Variants in SLC24A3 observed in about 807,000 individuals in gnomAD.
The protein encoded by SLC24A3 is sodium/potassium/calcium exchanger 3.
SLC24A3 carries 28 observed loss-of-function variants against 75.8 expected under a neutral mutation model. The ratio of observed to expected loss-of-function variants is 0.37; its 90% CI spans 0.27 to 0.51. The LOEUF (loss-of-function observed/expected upper bound fraction) is 0.51. Among genes scored for constraint, SLC24A3 ranks in the 20% least tolerant of loss-of-function variants. SLC24A3 has a pLI of 0.94. For synonymous variants in SLC24A3, 372 were observed against 334.1 expected (o/e 1.11, Z -1.24); for missense variants, 663 against 847.8 (o/e 0.78, Z 2.71).
At chr20:19,639,002 G>A (rs1012325950) in intron 6 of SLC24A3, among the ~76,000 whole-genome samples, 1 of 152,096 alleles carries the variant, frequency 6.6e-6, no homozygotes, top group African/African-American at 2.4e-5. Context: ...CTGTGGAAGG[G>A]GACCCCAGTG....
At chr20:19,652,030 A>T (rs1249349216) in intron 6 of SLC24A3, among the ~76,000 whole-genome samples, 1 of 112,734 alleles carries the variant, frequency 8.9e-6, no homozygotes, top group Non-Finnish European at 1.9e-5. Context: ...GGCTGTATGA[A>T]GTAAGGAAGG....
At chr20:19,605,272 C>T (rs1195771861) in intron 6 of SLC24A3, among the ~76,000 whole-genome samples, 1 of 152,150 alleles carries the variant, frequency 6.6e-6, no homozygotes, top group African/African-American at 2.4e-5. Context: ...TTAACCACAG[C>T]TGTCTGATGT....
chr20:19,411,100 T>C (rs1175317418), intron 2 of SLC24A3, among the ~76,000 whole-genome samples: 2 of 152,218 alleles, frequency 1.3e-5, no homozygotes, highest in Non-Finnish European at 2.9e-5. Flanking sequence ...TGGGCACCGA[T>C]GGCCCATGGG....
At chr20:19,602,906 C>A (rs1364861000) in intron 6 of SLC24A3, among the ~76,000 whole-genome samples, 1 of 152,204 alleles carries the variant, frequency 6.6e-6, no homozygotes, top group Non-Finnish European at 1.5e-5. Flanking sequence ...CCACTGGAGG[C>A]ATCAGCCAGC....
intron 2 of SLC24A3, among the ~76,000 whole-genome samples, chr20:19,327,475 C>G (rs1468299473): frequency 1.3e-5 from 2 of 152,218 alleles, no homozygotes. Flanking sequence ...AGTGCTCTAC[C>G]CAGAGCCCCC....
At chr20:19,507,698 C>A (rs1988481239) in intron 2 of SLC24A3, among the ~76,000 whole-genome samples, 1 of 152,184 alleles carries the variant, frequency 6.6e-6, no homozygotes, top group African/African-American at 2.4e-5. Flanking sequence ...AGAAATACTC[C>A]TCCTAGGTCT....
At chr20:19,300,013 T>C (rs1984158057) in intron 2 of SLC24A3, among the ~76,000 whole-genome samples, 1 of 152,176 alleles carries the variant, frequency 6.6e-6, no homozygotes, top group African/African-American at 2.4e-5. Context: ...TGATGCTCCT[T>C]AACCCAAAGC....
chr20:19,440,561 G>A (rs1258616289), intron 2 of SLC24A3, among the ~76,000 whole-genome samples: 1 of 151,264 alleles, frequency 6.6e-6, no homozygotes, highest in Non-Finnish European at 1.5e-5. Flanking sequence ...TGCCGACAAC[G>A]AACATTTCCT....
At chr20:19,255,608 A>G (rs562015562) in intron 1 of SLC24A3, among the ~76,000 whole-genome samples, 1 of 152,326 alleles carries the variant, frequency 6.6e-6, no homozygotes, top group African/African-American at 2.4e-5. Context: ...GGGGCAAGTC[A>G]TTGTCCTTCC....
At chr20:19,469,014 C>G (rs947286707) in intron 2 of SLC24A3, among the ~76,000 whole-genome samples, 2 of 152,090 alleles carry the variant, frequency 1.3e-5, no homozygotes, top group Non-Finnish European at 2.9e-5. Flanking sequence ...ATACTTAACA[C>G]CAGCATGTCT....
chr20:19,515,417 A>G lies in SLC24A3; in HGVS notation c.272-71A>G, dbSNP rs536362097. The G allele has an allele frequency of 1.3e-4, 187 of 1,442,342 alleles. No individual in the cohort carries two copies. The African/African-American group carries it at 2.4e-3, about 18-fold the overall frequency. 89.3% of individuals were successfully genotyped at this position (1,442,342 alleles called of 1,614,324 possible). On this transcript the variant is annotated intron_variant, in intron 2 of 16. Transcript: ENST00000328041. ...GTTCATGGACCCCATGTTAAAACCA[A>G]GACTCCCAGACCTACAGCACTGAAA...
rs117251483 is a variant in SLC24A3 at position 19,627,979 on chromosome 20, C to T, written c.613-26083C>T. On this transcript the variant is annotated intron_variant, in intron 6 of 16. Transcript: ENST00000328041. ...TTGGGAGGCTGAGGCGGGCAGACCA[C>T]GAGGACAAGAGATTGAGACCCTCTT... 1.4e-3 allele frequency among the ~76,000 whole-genome samples: 215 copies of T among 151,916 alleles called. 1 individual carries two copies. Among genetic ancestry groups the T allele is most frequent in the East Asian group, 7.4e-3 (38 of 5,154 alleles).
At chr20:19,572,799 G>T (rs905602260) in intron 3 of SLC24A3, among the ~76,000 whole-genome samples, 1 of 152,056 alleles carries the variant, frequency 6.6e-6, no homozygotes, top group African/African-American at 2.4e-5. Context: ...ATTCACACTG[G>T]TAGCAGCACC....
intron 2 of SLC24A3, among the ~76,000 whole-genome samples, chr20:19,302,033 C>T (rs1312957127): frequency 1.3e-5 from 2 of 152,204 alleles, no homozygotes; most frequent in East Asian, 3.8e-4. Flanking sequence ...TACAGAATCA[C>T]CTTAATTCTA....
chr20:19,709,185 G>A (rs1029010832), intron 15 of SLC24A3, among the ~76,000 whole-genome samples: 17 of 152,076 alleles, frequency 1.1e-4, no homozygotes, highest in Non-Finnish European at 2.4e-4. Context: ...GAGCTGGGGG[G>A]TTTATTCACC....
intron 6 of SLC24A3, among the ~76,000 whole-genome samples, chr20:19,635,984 C>CA (rs1418444800): frequency 1.3e-5 from 2 of 152,114 alleles, no homozygotes; most frequent in South Asian, 2.1e-4. Context: ...GCTAAAAATA[C>CA]AAAAAATTAG....
chr20:19,616,853 G>C (rs1277973477), intron 6 of SLC24A3, among the ~76,000 whole-genome samples: 2 of 152,030 alleles, frequency 1.3e-5, no homozygotes, highest in Non-Finnish European at 2.9e-5. Flanking sequence ...ACCCCCTTTA[G>C]GGCCTTTTTG....
intron 2 of SLC24A3, among the ~76,000 whole-genome samples, chr20:19,404,284 G>A (rs758539516): frequency 2.0e-5 from 3 of 152,178 alleles, no homozygotes; most frequent in South Asian, 2.1e-4. Context: ...TTGTGAGCTC[G>A]TATTTAGACA....
At chr20:19,592,716 A>G (rs1400244538) in intron 6 of SLC24A3, among the ~76,000 whole-genome samples, 2 of 151,962 alleles carry the variant, frequency 1.3e-5, no homozygotes, top group Non-Finnish European at 2.9e-5. Context: ...TCCAAGGAGC[A>G]CCATGAAAAT....
Sources: allele counts gnomAD v4.1 joint callset (sites outside exome capture counted in the v4.1 genomes callset), GRCh38; gene constraint gnomAD v4.1.1; transcripts MANE v1.5; gene names NCBI Gene and HGNC (gene_info 2026-07-23, HGNC 2026-07-21).